The following VPS13B variants were observed in gnomAD, a reference collection of about 807,000 sequenced individuals.
The protein encoded by VPS13B is intermembrane lipid transfer protein VPS13B.
Under a neutral mutation model 426.4 loss-of-function variants are expected in VPS13B, and 285 were observed. That is an observed-to-expected ratio of 0.67 (90% CI 0.61 to 0.74). The LOEUF (loss-of-function observed/expected upper bound fraction) is 0.74. Among genes scored for constraint, VPS13B ranks in the 30% least tolerant of loss-of-function variants. The pLI is 0.00. For missense variants in VPS13B, 4,537 were observed against 4,782.6 expected, an observed-to-expected ratio of 0.95 and a Z score of 1.51; for synonymous variants, 1,676 against 1,676.4, an observed-to-expected ratio of 1.00 and a Z score of 0.01.
At chr8:99,660,563 A>G (rs899148198) in intron 34 of VPS13B, among the ~76,000 whole-genome samples, 9 of 152,076 alleles carry the variant, frequency 5.9e-5, no homozygotes, top group African/African-American at 1.9e-4. Context: ...AGCCTACTAC[A>G]CTGTATGCCA....
At chr8:99,122,989 C>T (rs1238392520) in intron 8 of VPS13B, among the ~76,000 whole-genome samples, 4 of 151,234 alleles carry the variant, frequency 2.6e-5, no homozygotes, top group Admixed American at 6.6e-5. Context: ...GGCGTGGTGA[C>T]GCATGCCTGT....
chr8:99,865,624 C>T (rs186952984), intron 58 of VPS13B, among the ~76,000 whole-genome samples: 1 of 152,268 alleles, frequency 6.6e-6, no homozygotes, highest in Admixed American at 6.5e-5. Flanking sequence ...ATAGTCAGTG[C>T]GGAATTTAGG....
chr8:99,315,261 A>G (rs1433068005), intron 19 of VPS13B, among the ~76,000 whole-genome samples: 1 of 151,792 alleles, frequency 6.6e-6, no homozygotes, highest in Non-Finnish European at 1.5e-5. Context: ...GGGACACTGA[A>G]AATGCAAATA....
rs148387794 is a variant in VPS13B at position 99,192,060 on chromosome 8, ATTG to A, written c.2334-813_2334-811del. 3.2e-4 allele frequency among the ~76,000 whole-genome samples: 49 copies of A among 152,054 alleles called. No individual in the cohort carries two copies. In the East Asian group the frequency reaches 8.5e-3, roughly 26 times the overall value. On this transcript the variant is annotated intron_variant, in intron 16 of 61. Transcript: ENST00000357162. The stretch of plus-strand genomic sequence containing the variant: ...ATTTTTTTTAATCTATTTTTGTTTT[ATTG>A]TTCTTCTATTTTATCTTGCATGTTT...
intron 5 of VPS13B, among the ~76,000 whole-genome samples, chr8:99,103,493 C>CTTTTTT (rs71273162): frequency 6.1e-5 from 3 of 49,538 alleles, no homozygotes; most frequent in African/African-American, 2.7e-4. Context: ...CTATGCCCGG[C>CTTTTTT]TTTTTTTTTT....
intron 36 of VPS13B, among the ~76,000 whole-genome samples, chr8:99,708,441 CT>C (rs1376322878): frequency 1.3e-5 from 2 of 151,874 alleles, no homozygotes; most frequent in African/African-American, 2.4e-5. Flanking sequence ...CAAATTCTTC[CT>C]TTTTTTTATG....
Position 99,511,191 on chromosome 8 carries a change from C to T in VPS13B, c.4312C>T (p.His1438Tyr). The T allele has an allele frequency of 6.2e-7, 1 of 1,614,048 alleles. No individual in the cohort carries two copies. Among genetic ancestry groups the T allele is most frequent in the Non-Finnish European group, 8.5e-7 (1 of 1,180,008 alleles). ...AAAAGCTGTAACAAAAAATGTCCGC[C>T]ACAAGTTAACATCAAGAAATGAGCG... ...YTKAVTKNVRHKLTSRNERRS... is the reference protein window; with the variant it reads ...YTKAVTKNVRYKLTSRNERRS... Residue 1438 changes from histidine (H) to tyrosine (Y), a missense_variant, in exon 29 of 62, where the codon CAC becomes TAC. Transcript: ENST00000357162.
intron 23 of VPS13B, among the ~76,000 whole-genome samples, chr8:99,464,368 A>G (rs538133104): frequency 1.4e-4 from 22 of 152,264 alleles, no homozygotes; most frequent in African/African-American, 5.3e-4. Context: ...CCTCAAGTAC[A>G]TACACTTTTT....
At chr8:99,654,678 T>G (rs1348461294) in intron 34 of VPS13B, among the ~76,000 whole-genome samples, 1 of 152,170 alleles carries the variant, frequency 6.6e-6, no homozygotes, top group East Asian at 1.9e-4. Flanking sequence ...CTTTGGCCTC[T>G]GGCAGAGGCT....
rs764963163 is a variant in VPS13B at position 99,577,592 on chromosome 8, G to A, written c.5179G>A (p.Ala1727Thr). 6.2e-6 allele frequency: 10 copies of A among 1,613,688 alleles called. No individual in the cohort carries two copies. In the South Asian group the frequency reaches 1.1e-4, roughly 18 times the overall value. The change falls in exon 33 of 62, where the codon GCA becomes ACA. Residue 1727 changes from alanine (A) to threonine (T), a missense_variant. By Grantham distance (58) the Ala-to-Thr change is moderately conservative. Around this residue, in one of 2 missense-constraint regions of VPS13B, gnomAD observed 4,311 missense variants for 4,474.3 expected, o/e 0.96. Coordinates refer to ENST00000357162, the MANE Select transcript of VPS13B (RefSeq NM_152564.5). ...TCAACTCTTACATCAGTTAATAGTAGCAAATATGACTGGACTGGAACCATC... is the reference window on the plus strand; with the variant it reads ...TCAACTCTTACATCAGTTAATAGTAACAAATATGACTGGACTGGAACCATC... Reference protein sequence around the residue: ...QVQLLHQLIVANMTGLEPSNK... With the variant: ...QVQLLHQLIVTNMTGLEPSNK...
intron 21 of VPS13B, among the ~76,000 whole-genome samples, chr8:99,428,237 T>C (rs6981945): frequency 0.48 from 73,089 of 152,006 alleles, 20,367 homozygotes; most frequent in African/African-American, 0.77. Flanking sequence ...GCAAGGTCTT[T>C]ATGTCTAAAA....
chr8:99,236,027 C>G (rs1448557874), intron 17 of VPS13B, among the ~76,000 whole-genome samples: 1 of 152,164 alleles, frequency 6.6e-6, no homozygotes, highest in Non-Finnish European at 1.5e-5. Context: ...TTTAACAATG[C>G]AAGAACTGGT....
intron 19 of VPS13B, among the ~76,000 whole-genome samples, chr8:99,298,327 A>C (rs1339985648): frequency 1.3e-5 from 2 of 152,092 alleles, no homozygotes; most frequent in African/African-American, 4.8e-5. Flanking sequence ...CGTCTCTACT[A>C]AAAACACAAA....
chr8:99,498,587 C>G (rs954123721), intron 25 of VPS13B, among the ~76,000 whole-genome samples: 1 of 151,802 alleles, frequency 6.6e-6, no homozygotes, highest in African/African-American at 2.4e-5. Context: ...AAAGAAAACA[C>G]ATTCTAACAA....
chr8:99,279,203 A>G (rs1042689063), intron 19 of VPS13B, among the ~76,000 whole-genome samples: 1 of 152,184 alleles, frequency 6.6e-6, no homozygotes, highest in African/African-American at 2.4e-5. Context: ...CACGTACTGC[A>G]CTGTAGCCTG....
At chr8:99,072,157 T>G (rs1844885153) in intron 3 of VPS13B, among the ~76,000 whole-genome samples, 1 of 152,082 alleles carries the variant, frequency 6.6e-6, no homozygotes, top group African/African-American at 2.4e-5. Context: ...CCTCTCCTTG[T>G]GGCCACCACA....
chr8:99,335,882 A>G (rs1810827996), intron 19 of VPS13B, among the ~76,000 whole-genome samples: 1 of 152,218 alleles, frequency 6.6e-6, no homozygotes, highest in Non-Finnish European at 1.5e-5. Flanking sequence ...AACAAATGGA[A>G]GGACATTCCA....
intron 19 of VPS13B, among the ~76,000 whole-genome samples, chr8:99,335,121 C>A (rs183562132): frequency 3.6e-4 from 55 of 152,012 alleles, no homozygotes; most frequent in African/African-American, 1.3e-3. Context: ...TCCATTTCTT[C>A]TAGATTTTCT....
intron 31 of VPS13B, among the ~76,000 whole-genome samples, chr8:99,573,678 T>C (rs1825610319): frequency 6.6e-6 from 1 of 152,206 alleles, no homozygotes; most frequent in Admixed American, 6.5e-5. Context: ...TTGGTACCAG[T>C]ACCATGCTGT....
Sources: allele counts gnomAD v4.1 joint callset (sites outside exome capture counted in the v4.1 genomes callset), GRCh38; gene constraint gnomAD v4.1.1; regional missense constraint gnomAD v4.1.1; transcripts MANE v1.5; gene names NCBI Gene and HGNC (gene_info 2026-07-23, HGNC 2026-07-21).